PRDM16: variants seen among roughly 807,000 people sequenced by gnomAD.
PRDM16 encodes histone-lysine N-methyltransferase PRDM16.
PRDM16 carries 23 observed loss-of-function variants against 110.6 expected under a neutral mutation model. The ratio of observed to expected loss-of-function variants is 0.21; its 90% CI spans 0.15 to 0.29. The LOEUF (loss-of-function observed/expected upper bound fraction) is 0.29, where lower values mean the gene tolerates loss of function less well. Ranked by LOEUF, PRDM16 falls within the 10% of genes least tolerant of loss-of-function variation. The pLI, the probability that PRDM16 is intolerant of heterozygous loss-of-function variation, is 1.00. For missense variants in PRDM16, 1,615 were observed against 1,794.3 expected (o/e 0.90, Z 1.81); for synonymous variants, 799 against 781.8 (o/e 1.02, Z -0.37).
intron 2 of PRDM16, among the ~76,000 whole-genome samples, chr1:3,188,771 C>T (rs769485128): frequency 2.0e-5 from 3 of 152,120 alleles, no homozygotes; most frequent in Non-Finnish European, 2.9e-5. Context: ...TCGGTGCCTT[C>T]GGGAGCTGAC....
chr1:3,398,754 G>A (rs999848280), intron 5 of PRDM16, among the ~76,000 whole-genome samples: 2 of 152,272 alleles, frequency 1.3e-5, no homozygotes, highest in East Asian at 1.9e-4. Flanking sequence ...TCACCACGGC[G>A]TTGGCTTAGT....
At chr1:3,355,077 C>T (rs1035807163) in intron 3 of PRDM16, among the ~76,000 whole-genome samples, 1 of 152,138 alleles carries the variant, frequency 6.6e-6, no homozygotes, top group Admixed American at 6.5e-5. Context: ...GAGACCAGGC[C>T]TCCCGCACCG....
chr1:3,391,375 T>A (rs1365241096), intron 4 of PRDM16, among the ~76,000 whole-genome samples: 3 of 152,124 alleles, frequency 2.0e-5, no homozygotes, highest in Admixed American at 2.0e-4. Context: ...AAGAACAAGG[T>A]TTAAATTCAA....
At chr1:3,144,847 G>T (rs898361768) in intron 1 of PRDM16, among the ~76,000 whole-genome samples, 2 of 152,162 alleles carry the variant, frequency 1.3e-5, no homozygotes, top group African/African-American at 4.8e-5. Context: ...TTGGGTCAGG[G>T]GGCCCTTCTG....
Position 3,211,069 on chromosome 1 carries a change from G to A in PRDM16, c.387+24595G>A, listed in dbSNP as rs3753757. Among the ~76,000 whole-genome samples the A allele has an allele frequency of 1.3e-4, 20 of 152,278 alleles. No individual in the cohort carries two copies. In the East Asian group the frequency reaches 3.5e-3, roughly 26 times the overall value. On this transcript the variant is annotated intron_variant, in intron 2 of 16. Coordinates refer to ENST00000270722, the MANE Select transcript of PRDM16 (RefSeq NM_022114.4). The stretch of plus-strand genomic sequence containing the variant: ...TAGATATTGATTTGTTTATGCACAC[G>A]TGTATACATTTGCTGATCAATTCAC...
In PRDM16 at chr1:3,290,104, C is replaced by G. The variant is rs1234320298; in HGVS notation, c.438+45967C>G. 6.6e-6 allele frequency among the ~76,000 whole-genome samples: 1 copy of G among 152,214 alleles called. No individual in the cohort carries two copies. Among genetic ancestry groups the G allele is most frequent in the Non-Finnish European group, 1.5e-5 (1 of 68,042 alleles). ...GCAGGGTGTTTTTCCTGAATGAAAACTCACAGAGTGCATGTGTCATGCTGA... is the reference window on the plus strand; with the variant it reads ...GCAGGGTGTTTTTCCTGAATGAAAAGTCACAGAGTGCATGTGTCATGCTGA... On this transcript the variant is annotated intron_variant, in intron 3 of 16. Coordinates refer to ENST00000270722, the MANE Select transcript of PRDM16 (RefSeq NM_022114.4). This position sits in a 1 kb window ranked among gnomAD's most constrained non-coding sequence, Gnocchi z 4.8.
At chr1:3,166,765 G>A (rs1340917430) in intron 1 of PRDM16, among the ~76,000 whole-genome samples, 1 of 152,172 alleles carries the variant, frequency 6.6e-6, no homozygotes, top group Non-Finnish European at 1.5e-5. Flanking sequence ...GGACTCACTC[G>A]GGTGAGGTTC....
chr1:3,374,861 T>A (rs1156570379), intron 3 of PRDM16, among the ~76,000 whole-genome samples: 1 of 152,102 alleles, frequency 6.6e-6, no homozygotes, highest in Non-Finnish European at 1.5e-5. Context: ...AAAGAGCAGG[T>A]GAGCAGGAGC....
rs1372311864 is a variant in PRDM16, at chr1:3,206,960, GT to G, written c.387+20487del. The G allele has an allele frequency of 6.6e-6, 1 of 152,388 alleles. No homozygotes were observed. The highest frequency in any genetic ancestry group is 2.4e-5 in the African/African-American group (1 of 41,464). 9.4% of individuals were successfully genotyped at this position (152,388 alleles called of 1,614,324 possible). A position where few individuals can be genotyped will look rare whatever the true frequency, so the allele number is the denominator to read the frequency against. On this transcript the variant is annotated intron_variant, in intron 2 of 16. Transcript: ENST00000270722. The surrounding 1 kb of genome is among the most constrained non-coding windows in gnomAD (Gnocchi z 4.9). ...GCGACCCAGGGGACCTGTCCGAGAGGTGACATAGAGGACAGCAATGCCGCCC... is the reference window on the plus strand; with the variant it reads ...GCGACCCAGGGGACCTGTCCGAGAGGGACATAGAGGACAGCAATGCCGCCC...
chr1:3,398,120 G>A (rs1253497589), intron 5 of PRDM16, among the ~76,000 whole-genome samples: 1 of 152,120 alleles, frequency 6.6e-6, no homozygotes, highest in African/African-American at 2.4e-5. Flanking sequence ...ATGAATCTTA[G>A]ACAGCGCACA....
At chr1:3,307,149 A>C (rs1641334408) in intron 3 of PRDM16, 1 of 152,218 alleles carries the variant, frequency 6.6e-6, no homozygotes, top group Non-Finnish European at 1.5e-5. Context: ...GTGTATTTTC[A>C]AGCTTTTGTG....
At chr1:3,285,600 G>A (rs974338738) in intron 3 of PRDM16, among the ~76,000 whole-genome samples, 2 of 152,292 alleles carry the variant, frequency 1.3e-5, no homozygotes, top group South Asian at 4.1e-4. Context: ...TCACACCCGC[G>A]ACATCCACAT....
rs151098774 is a variant in PRDM16 at position 3,411,251 on chromosome 1, C to A, written c.1187-133C>A. 6.9e-4 allele frequency: 597 copies of A among 860,922 alleles called. 2 individuals carry two copies. The highest frequency in any genetic ancestry group is 6.8e-3 in the African/African-American group (402 of 59,212). 53.3% of individuals were successfully genotyped at this position (860,922 alleles called of 1,614,324 possible). A position where few individuals can be genotyped will look rare whatever the true frequency, so the allele number is the denominator to read the frequency against. On this transcript the variant is annotated intron_variant, in intron 8 of 16. Coordinates refer to ENST00000270722, the MANE Select transcript of PRDM16 (RefSeq NM_022114.4). ...ATACACCCATGCCCACGCACATGCA[C>A]CCAGACAGACTGCTTCCAGCCCCAG... is the stretch of plus-strand genomic sequence containing the variant.
chr1:3,298,302 G>A (rs1641133393), intron 3 of PRDM16, among the ~76,000 whole-genome samples: 1 of 152,336 alleles, frequency 6.6e-6, no homozygotes, highest in Admixed American at 6.5e-5. Flanking sequence ...CCATGGTTCT[G>A]AGCACTCAGA....
chr1:3,236,768 T>C (rs1009027834), intron 2 of PRDM16, among the ~76,000 whole-genome samples: 2 of 152,240 alleles, frequency 1.3e-5, no homozygotes, highest in African/African-American at 4.8e-5. Context: ...GGGAGGCTAC[T>C]TTACCTCTCT....
chr1:3,332,500 T>C (rs905969885), intron 3 of PRDM16, among the ~76,000 whole-genome samples: 15 of 152,088 alleles, frequency 9.9e-5, no homozygotes, highest in African/African-American at 3.6e-4. Context: ...TTTGGGGGCT[T>C]TATGGGCTGT....
At chr1:3,225,877 G>C (rs999481770) in intron 2 of PRDM16, among the ~76,000 whole-genome samples, 1 of 152,206 alleles carries the variant, frequency 6.6e-6, no homozygotes, top group Non-Finnish European at 1.5e-5. Context: ...CACCGCACAG[G>C]CAAAGCCGGT....
chr1:3,355,184 C>T (rs540498457), intron 3 of PRDM16, among the ~76,000 whole-genome samples: 38 of 152,258 alleles, frequency 2.5e-4, no homozygotes, highest in Middle Eastern at 6.8e-3. Context: ...CGGGGAGCTC[C>T]GAGCTCCAGG....
In PRDM16 at chr1:3,412,050, C is replaced by A. The variant is rs1643698190; in HGVS notation, c.1853C>A (p.Thr618Asn). The A allele has an allele frequency of 1.2e-6, 2 of 1,610,584 alleles. No individual in the cohort carries two copies. Among genetic ancestry groups the A allele is most frequent in the South Asian group, 2.2e-5 (2 of 90,896 alleles). The change falls in exon 9 of 17, where the codon ACC becomes AAC. Residue 618 changes from threonine to asparagine, a missense_variant. This residue lies in a region of PRDM16 where 772 missense variants were observed against 748.3 expected (regional missense o/e 1.03). Transcript: ENST00000270722. The stretch of plus-strand genomic sequence containing the variant: ...ACCACGGGGACCGACCTGGACACGA[C>A]CACGGGGACGGGCTCGGACCTGGAC... Reference protein sequence around the residue: ...NTTTGTDLDTTTGTGSDLDSD... With the variant: ...NTTTGTDLDTNTGTGSDLDSD...
Sources: gnomAD v4.1 joint callset for allele counts (sites outside exome capture counted in the v4.1 genomes callset) on GRCh38, gnomAD v4.1.1 for gene constraint, gnomAD v4.1.1 regional missense constraint, Gnocchi (gnomAD v3.1) non-coding constraint, MANE v1.5 for transcripts, NCBI Gene and HGNC (gene_info 2026-07-23, HGNC 2026-07-21) for gene names.